NCOR1: variants seen among roughly 807,000 people sequenced by gnomAD.
The protein encoded by NCOR1 is protein phosphatase 1, regulatory subunit 109.
In NCOR1, 63 loss-of-function variants were observed where a neutral mutation model predicts 288.1. The ratio of observed to expected loss-of-function variants is 0.22; its 90% CI spans 0.18 to 0.27. NCOR1 has a LOEUF of 0.27. Ranked by LOEUF, NCOR1 falls within the 10% of genes least tolerant of loss-of-function variation. The pLI is 1.00. For missense variants in NCOR1, 2,397 were observed against 3,019.2 expected, an observed-to-expected ratio of 0.79 and a Z score of 4.83; for synonymous variants, 1,007 against 1,065.9, an observed-to-expected ratio of 0.94 and a Z score of 1.08.
At chr17:16,199,634 A>G (rs2090490794) in intron 1 of NCOR1, among the ~76,000 whole-genome samples, 1 of 152,192 alleles carries the variant, frequency 6.6e-6, no homozygotes, top group Admixed American at 6.6e-5. Context: ...TCTAGTTTAA[A>G]GTTCAGACTG....
At chr17:16,038,463 G>GTC in intron 44 of NCOR1, among the ~76,000 whole-genome samples, 1 of 150,784 alleles carries the variant, frequency 6.6e-6, no homozygotes, top group East Asian at 1.9e-4. Flanking sequence ...TTGAGACAGG[G>GTC]TCTCACTTTG....
At chr17:16,161,107 T>C (rs142379947) in intron 5 of NCOR1, among the ~76,000 whole-genome samples, 3 of 152,244 alleles carry the variant, frequency 2.0e-5, no homozygotes, top group Non-Finnish European at 4.4e-5. Context: ...CTTTCTTTCC[T>C]GCTTAGAGGG....
chr17:16,039,867 T>C, intron 43 of NCOR1: 1 of 497,322 alleles, frequency 2.0e-6, no homozygotes, highest in Admixed American at 3.3e-5. Context: ...CTTGGCTCAC[T>C]GCAACCTCCG....
intron 14 of NCOR1, among the ~76,000 whole-genome samples, chr17:16,128,680 C>A (rs77987278): frequency 2.0e-5 from 3 of 152,176 alleles, no homozygotes; most frequent in Non-Finnish European, 4.4e-5. Flanking sequence ...TACCTGTCCT[C>A]TTACTTGTTT....
At chr17:16,130,908 C>T (rs949564909) in intron 14 of NCOR1, among the ~76,000 whole-genome samples, 21 of 151,390 alleles carry the variant, frequency 1.4e-4, no homozygotes, top group African/African-American at 5.1e-4. Flanking sequence ...AGGCTGGTCT[C>T]AAATTCCTAG....
At chr17:16,067,047 A>G (rs560198934) in intron 32 of NCOR1, among the ~76,000 whole-genome samples, 446 of 152,334 alleles carry the variant, frequency 2.9e-3, no homozygotes, top group Non-Finnish European at 5.7e-3. Flanking sequence ...CCCTGGGAGG[A>G]CAAGGTGCAG....
At chr17:16,178,316 A>C (rs993590974) in intron 3 of NCOR1, among the ~76,000 whole-genome samples, 1 of 151,912 alleles carries the variant, frequency 6.6e-6, no homozygotes, top group Non-Finnish European at 1.5e-5. Context: ...TGACTAACAC[A>C]GTGAAACCCC....
chr17:16,155,171 T>C (rs143462460), intron 6 of NCOR1, among the ~76,000 whole-genome samples: 11,795 of 151,924 alleles, frequency 0.078, 678 homozygotes, highest in African/African-American at 0.17. Flanking sequence ...GCTAACATGG[T>C]GAAACCCCAT....
rs772819570 is a variant in NCOR1, at chr17:16,080,721, G to C, written c.3184C>G (p.Pro1062Ala). 4 of 1,608,920 alleles carry C rather than the reference G, an allele frequency of 2.5e-6. No individual in the cohort carries two copies. In the South Asian group the frequency reaches 4.4e-5, roughly 18 times the overall value. The change falls in exon 24 of 46, where the codon CCA becomes GCA. Residue 1062 changes from proline to alanine, a missense_variant. Physicochemically the swap from Pro to Ala is conservative, Grantham distance 27. Coordinates refer to ENST00000268712, the MANE Select transcript of NCOR1 (RefSeq NM_006311.4). Reference sequence around the variant, plus strand: ...TTATGAGAAGTCAAATAAGTGCCTGGTGTTCCCTAAGAAAAAAACAAAAAA... The same window carrying C: ...TTATGAGAAGTCAAATAAGTGCCTGCTGTTCCCTAAGAAAAAAACAAAAAA... ...IMGGSISQGT[P>A]GTYLTSHNQA...
chr17:16,072,307 G>C (rs2061850240), intron 28 of NCOR1, 79 bp from the exon 29 acceptor site: 6 of 1,113,756 alleles, frequency 5.4e-6, no homozygotes, highest in Non-Finnish European at 6.5e-6. Flanking sequence ...TGTTCTTAAA[G>C]TCTATGTTTT....
chr17:16,041,732 A>T (rs1338757839), intron 42 of NCOR1, among the ~76,000 whole-genome samples: 1 of 147,608 alleles, frequency 6.8e-6, no homozygotes, highest in Non-Finnish European at 1.5e-5. Flanking sequence ...GAAATTAATT[A>T]ATTTATTAAT....
chr17:16,079,667 A>G (rs942773197), intron 26 of NCOR1, among the ~76,000 whole-genome samples: 1 of 152,254 alleles, frequency 6.6e-6, no homozygotes, highest in African/African-American at 2.4e-5. Context: ...TAGGCTAAAC[A>G]CATGGTAAAA....
intron 1 of NCOR1, among the ~76,000 whole-genome samples, chr17:16,202,856 A>G (rs1260112528): frequency 6.6e-6 from 1 of 152,100 alleles, no homozygotes; most frequent in Non-Finnish European, 1.5e-5. Flanking sequence ...GAGCTCCATA[A>G]ATCTTAAAGT....
intron 23 of NCOR1, among the ~76,000 whole-genome samples, chr17:16,083,294 G>A (rs761494727): frequency 1.1e-4 from 16 of 151,268 alleles, no homozygotes; most frequent in Non-Finnish European, 2.2e-4. Flanking sequence ...AGGACTGCTT[G>A]AGCCCAGGAG....
At chr17:16,201,195 A>AAGAG in intron 1 of NCOR1, among the ~76,000 whole-genome samples, 1 of 152,366 alleles carries the variant, frequency 6.6e-6, no homozygotes, top group East Asian at 1.9e-4. Context: ...ATAGAAGCTA[A>AAGAG]AGAAAAAGCT....
At chr17:16,079,025 C>A (rs185231319) in intron 26 of NCOR1, among the ~76,000 whole-genome samples, 2 of 152,114 alleles carry the variant, frequency 1.3e-5, no homozygotes, top group Non-Finnish European at 2.9e-5. Context: ...ATCTAGAGTG[C>A]GGACTGACAT....
At chr17:16,091,617 A>C in intron 22 of NCOR1, 1 of 1,346,340 alleles carries the variant, frequency 7.4e-7, no homozygotes, top group Non-Finnish European at 9.6e-7. Context: ...TTCCAGCACA[A>C]AGATGAATAT....
chr17:16,092,120 C>G (rs964290109), intron 21 of NCOR1, 62 bp from the exon 22 acceptor site: 1 of 1,553,846 alleles, frequency 6.4e-7, no homozygotes, highest in Non-Finnish European at 8.8e-7. Flanking sequence ...CATCTCTTAA[C>G]AAGTAATGTA....
intron 43 of NCOR1, 200 bp from the exon 44 acceptor site, chr17:16,039,854 G>A (rs534378079): frequency 2.7e-5 from 14 of 527,002 alleles, no homozygotes; most frequent in South Asian, 1.2e-4. Flanking sequence ...GCAGTGGCGC[G>A]ATCTTGGCTC....
Sources: gnomAD v4.1 joint callset for allele counts (sites outside exome capture counted in the v4.1 genomes callset) on GRCh38, gnomAD v4.1.1 for gene constraint, MANE v1.5 for transcripts, NCBI Gene and HGNC (gene_info 2026-07-23, HGNC 2026-07-21) for gene names.